ZBTB40: variants seen among roughly 807,000 people sequenced by gnomAD.
The protein encoded by ZBTB40 is zinc finger and BTB domain-containing protein 40.
In ZBTB40, 60 loss-of-function variants were observed where a neutral mutation model predicts 117.5. The observed-to-expected ratio is 0.51, with a 90% CI of 0.41 to 0.63. The LOEUF is 0.63. Ranked by LOEUF, ZBTB40 falls within the 30% of genes least tolerant of loss-of-function variation. The probability of loss-of-function intolerance (pLI) is 0.00; values close to 1 mark genes in which losing one functional copy is unlikely to be tolerated. For synonymous variants in ZBTB40, 525 were observed against 577.1 expected (o/e 0.91, Z 1.29); for missense variants, 1,287 against 1,498.5 (o/e 0.86, Z 2.33).
chr1:22,486,406 C>G (rs928242709), intron 1 of ZBTB40, among the ~76,000 whole-genome samples: 2 of 152,144 alleles, frequency 1.3e-5, no homozygotes, highest in Admixed American at 1.3e-4. Flanking sequence ...GCCAGTTAGG[C>G]TCTTGTAAAA....
At chr1:22,504,495 G>A (rs1269956237) in intron 5 of ZBTB40, among the ~76,000 whole-genome samples, 1 of 152,198 alleles carries the variant, frequency 6.6e-6, no homozygotes, top group Non-Finnish European at 1.5e-5. Flanking sequence ...ACAGAGCATA[G>A]GGAGGTGAAG....
chr1:22,444,507 C>T (rs1640767482), intron 1 of ZBTB40, among the ~76,000 whole-genome samples: 1 of 152,166 alleles, frequency 6.6e-6, no homozygotes, highest in African/African-American at 2.4e-5. Flanking sequence ...TCAGCAGCTT[C>T]CCAATAAGAT....
At chr1:22,442,489 A>G (rs1569743485) in intron 1 of ZBTB40, among the ~76,000 whole-genome samples, 1 of 152,186 alleles carries the variant, frequency 6.6e-6, no homozygotes, top group East Asian at 1.9e-4. Context: ...ATGGGTTTAT[A>G]TGGGGGAGAG....
At chr1:22,440,018 T>G (rs1640712983) in intron 1 of ZBTB40, among the ~76,000 whole-genome samples, 1 of 152,236 alleles carries the variant, frequency 6.6e-6, no homozygotes, top group African/African-American at 2.4e-5. Context: ...TGTTTTATAG[T>G]ATCCATTGTA....
rs1328024381 is a variant in ZBTB40 at position 22,529,685 on chromosome 1, CTG to C, written c.*3293_*3294del. Reference sequence around the variant, plus strand: ...GCCTCTCTCTTCTGTCTCAGAAGCTCTGTGTTTGGGAAACTTTGAGCCCAGTG... The same window carrying C: ...GCCTCTCTCTTCTGTCTCAGAAGCTCTGTTTGGGAAACTTTGAGCCCAGTG... On this transcript the variant is annotated 3_prime_UTR_variant, in exon 18 of 18. Transcript: ENST00000375647. The C allele has an allele frequency of 6.6e-6, 1 of 152,172 alleles. No homozygotes were observed. Among genetic ancestry groups the C allele is most frequent in the Non-Finnish European group, 1.5e-5 (1 of 68,042 alleles). 9.4% of individuals were successfully genotyped at this position (152,172 alleles called of 1,614,324 possible).
In ZBTB40 at chr1:22,509,157, T is replaced by C; in HGVS notation, c.1757T>C (p.Leu586Ser). The C allele has an allele frequency of 6.2e-7, 1 of 1,614,146 alleles. No individual in the cohort carries two copies. The highest frequency in any genetic ancestry group is 8.5e-7 in the Non-Finnish European group (1 of 1,180,030). The change falls in exon 9 of 18, where the codon TTG becomes TCG. Residue 586 changes from leucine to serine, a missense_variant. Leu to Ser is a moderately radical substitution (Grantham distance 145, BLOSUM62 -2). Around this residue, in one of 2 missense-constraint regions of ZBTB40, gnomAD observed 870 missense variants for 934.4 expected, o/e 0.93. Coordinates refer to ENST00000375647, the MANE Select transcript of ZBTB40 (RefSeq NM_014870.4). ...ETILRHNQLI[L>S]EAIQQKIEYK... is the part of the protein sequence containing the mutation. ...ATCCTGAGGCATAACCAGTTGATCT[T>C]GGAGGCCATCCAACAGAAGATTGAG...
chr1:22,509,606 G>A (rs1272797101), intron 9 of ZBTB40, among the ~76,000 whole-genome samples: 2 of 152,132 alleles, frequency 1.3e-5, no homozygotes, highest in Non-Finnish European at 2.9e-5. Context: ...TCTCAGCTTT[G>A]CCAGAGTGCT....
At position 22,527,725 on chromosome 1, in the gene ZBTB40, C is replaced by T. The variant is rs1281446910; in HGVS notation, c.*1329C>T. The T allele has an allele frequency of 6.6e-6, 1 of 152,438 alleles. No homozygotes were observed. The highest frequency in any genetic ancestry group is 1.5e-5 in the Non-Finnish European group (1 of 68,076). 9.4% of individuals were successfully genotyped at this position (152,438 alleles called of 1,614,324 possible). ...GGCCACCCCTTCCTTCCAGGCACAT[C>T]TCACATTGCCATGTACAGAGGCAGG... On this transcript the variant is annotated 3_prime_UTR_variant, in exon 18 of 18. Transcript: ENST00000375647.
At chr1:22,456,467 T>C (rs1382228076) in intron 1 of ZBTB40, among the ~76,000 whole-genome samples, 1 of 152,230 alleles carries the variant, frequency 6.6e-6, no homozygotes, top group African/African-American at 2.4e-5. Context: ...CCATGAATCC[T>C]TTGAAGTTGC....
chr1:22,443,934 C>T (rs1640760660), intron 1 of ZBTB40, among the ~76,000 whole-genome samples: 1 of 152,154 alleles, frequency 6.6e-6, no homozygotes, highest in Non-Finnish European at 1.5e-5. Flanking sequence ...CATGTCCAAC[C>T]TCCCTTCCCA....
At chr1:22,493,695 G>T (rs962220101) in intron 3 of ZBTB40, among the ~76,000 whole-genome samples, 1 of 151,888 alleles carries the variant, frequency 6.6e-6, no homozygotes, top group South Asian at 2.1e-4. Flanking sequence ...GTCACTGTAC[G>T]TAAGTTTGTA....
chr1:22,513,209 T>C lies in ZBTB40; in HGVS notation c.2668+79T>C, dbSNP rs576036988. ...AACCCCATTTGGATTAGGTGTGATA[T>C]ATATCTCAAAAACAAAACAATTTGA... is the stretch of plus-strand genomic sequence containing the variant. On this transcript the variant is annotated intron_variant, in intron 12 of 17. Coordinates refer to ENST00000375647, the MANE Select transcript of ZBTB40 (RefSeq NM_014870.4). The surrounding 1 kb of genome is among the most constrained non-coding windows in gnomAD (Gnocchi z 4.9). 1.8e-4 allele frequency: 276 copies of C among 1,497,514 alleles called. 2 individuals are homozygous for C. The highest frequency in any genetic ancestry group is 2.1e-4 in the Non-Finnish European group (233 of 1,099,252). The allele number at this position is 1,497,514 out of a possible 1,614,324, so 92.8% of individuals were successfully genotyped here. A position where few individuals can be genotyped will look rare whatever the true frequency, so the allele number is the denominator to read the frequency against.
intron 5 of ZBTB40, among the ~76,000 whole-genome samples, chr1:22,503,113 C>T (rs1254922833): frequency 2.0e-5 from 3 of 147,010 alleles, no homozygotes; most frequent in African/African-American, 2.5e-5. Context: ...CATTAGTATC[C>T]TTTTTTTTTT....
chr1:22,523,798 G>A (rs886424919), intron 16 of ZBTB40, among the ~76,000 whole-genome samples: 3 of 152,200 alleles, frequency 2.0e-5, no homozygotes, highest in African/African-American at 4.8e-5. Context: ...GCGCATTGAC[G>A]ATTGCACCTG....
chr1:22,488,240 G>T (rs533262001), intron 1 of ZBTB40, among the ~76,000 whole-genome samples: 3 of 152,202 alleles, frequency 2.0e-5, no homozygotes, highest in African/African-American at 7.2e-5. Context: ...TTAAGCACTG[G>T]GATACAGCAG....
intron 1 of ZBTB40, among the ~76,000 whole-genome samples, chr1:22,445,417 G>A (rs1553128967): frequency 6.6e-6 from 1 of 152,142 alleles, no homozygotes; most frequent in Non-Finnish European, 1.5e-5. Flanking sequence ...CTCACCAAAA[G>A]GCTGAGCCCT....
intron 1 of ZBTB40, chr1:22,452,863 A>T (rs914288611): frequency 3.3e-5 from 5 of 152,320 alleles, no homozygotes; most frequent in African/African-American, 1.2e-4. Context: ...TAGCGTTGGT[A>T]CCATGCAGCC....
At chr1:22,447,318 G>C (rs1332910657), upstream of ZBTB40, among the ~76,000 whole-genome samples, 1 of 152,174 alleles carries the variant, frequency 6.6e-6, no homozygotes, top group African/African-American at 2.4e-5. Context: ...GGGTAGTAGA[G>C]TAGTTAAGAG....
At chr1:22,502,106 A>C (rs1638951747) in intron 4 of ZBTB40, among the ~76,000 whole-genome samples, 193 bp from the exon 5 acceptor site, 1 of 152,242 alleles carries the variant, frequency 6.6e-6, no homozygotes, top group Non-Finnish European at 1.5e-5. Context: ...GATAAATGAA[A>C]CATTTTTCCT....
Sources: gnomAD v4.1 joint callset for allele counts (sites outside exome capture counted in the v4.1 genomes callset) on GRCh38, gnomAD v4.1.1 for gene constraint, gnomAD v4.1.1 regional missense constraint, Gnocchi (gnomAD v3.1) non-coding constraint, MANE v1.5 for transcripts, NCBI Gene and HGNC (gene_info 2026-07-23, HGNC 2026-07-21) for gene names.